ARHGAP15: variants seen among roughly 807,000 people sequenced by gnomAD.
ARHGAP15 encodes Rho GTPase activating protein 15.
Under a neutral mutation model 63.7 loss-of-function variants are expected in ARHGAP15, and 51 were observed. That is an observed-to-expected ratio of 0.80 (90% CI 0.64 to 1.01). ARHGAP15 has a LOEUF of 1.01. Ranked by LOEUF, ARHGAP15 falls within the 50% of genes least tolerant of loss-of-function variation. The probability of loss-of-function intolerance (pLI) is 0.00; values close to 1 mark genes in which losing one functional copy is unlikely to be tolerated. For synonymous variants in ARHGAP15, 191 were observed against 193.8 expected (o/e 0.99, Z 0.12); for missense variants, 560 against 564.6 (o/e 0.99, Z 0.08).
At chr2:143,746,996 C>T (rs1023518111) in intron 13 of ARHGAP15, among the ~76,000 whole-genome samples, 2 of 151,932 alleles carry the variant, frequency 1.3e-5, no homozygotes, top group African/African-American at 4.8e-5. Context: ...GCTTTATCAT[C>T]TTTTAACTTT....
intron 12 of ARHGAP15, among the ~76,000 whole-genome samples, chr2:143,640,142 G>A (rs1680535769): frequency 1.3e-5 from 2 of 152,152 alleles, no homozygotes; most frequent in South Asian, 4.1e-4. Flanking sequence ...AACTTCTCTG[G>A]AGTAGGAGAC....
intron 6 of ARHGAP15, among the ~76,000 whole-genome samples, chr2:143,304,450 G>GT (rs954987562): frequency 6.6e-6 from 1 of 152,038 alleles, no homozygotes; most frequent in African/African-American, 2.4e-5. Flanking sequence ...ACCAGGGCCT[G>GT]TTGTGGGGTG....
intron 13 of ARHGAP15, among the ~76,000 whole-genome samples, chr2:143,715,128 G>C (rs1452555879): frequency 6.6e-6 from 1 of 152,188 alleles, no homozygotes; most frequent in South Asian, 2.1e-4. Context: ...CATGGCTGGG[G>C]AGGCCTCAGA....
intron 6 of ARHGAP15, chr2:143,295,346 A>C (rs893675987): frequency 6.6e-5 from 10 of 152,038 alleles, no homozygotes; most frequent in African/African-American, 2.4e-4. Flanking sequence ...ATGATTACTT[A>C]CCTTGTCCAA....
intron 12 of ARHGAP15, among the ~76,000 whole-genome samples, chr2:143,678,212 C>T (rs60856746): frequency 0.091 from 13,845 of 151,722 alleles, 835 homozygotes; most frequent in East Asian, 0.32. Flanking sequence ...ACCCCGTCTC[C>T]GAAAGAAAAA....
intron 2 of ARHGAP15, among the ~76,000 whole-genome samples, chr2:143,178,511 A>G (rs1691097649): frequency 6.6e-6 from 1 of 152,238 alleles, no homozygotes; most frequent in South Asian, 2.1e-4. Context: ...TGTATTGAAG[A>G]ATTCACGCTA....
intron 6 of ARHGAP15, among the ~76,000 whole-genome samples, chr2:143,330,116 A>T (rs1476341358): frequency 0.018 from 1,591 of 86,876 alleles, 143 homozygotes; most frequent in Non-Finnish European, 0.027. Context: ...AAAAAAAAAA[A>T]AAAAAAAAAA....
rs538375462 is a variant in ARHGAP15 at position 143,317,178 on chromosome 2, T to C, written c.474+66578T>C. ...ACTTGGAAATATAAGATCCAGAAAA[T>C]AGACACTTTGTCTTTCTTGTCCCCC... On this transcript the variant is annotated intron_variant, in intron 6 of 13. Transcript: ENST00000295095. Among the ~76,000 whole-genome samples the C allele has an allele frequency of 1.1e-4, 17 of 152,184 alleles. 1 individual carries two copies. Among genetic ancestry groups the C allele is most frequent in the Middle Eastern group, 3.4e-3 (1 of 294 alleles).
intron 6 of ARHGAP15, among the ~76,000 whole-genome samples, chr2:143,313,151 TGAGAG>T (rs1243552467): frequency 6.6e-6 from 1 of 151,876 alleles, no homozygotes; most frequent in Non-Finnish European, 1.5e-5. Flanking sequence ...ACTGACAAGA[TGAGAG>T]AGAAAAAAAG....
At chr2:143,570,925 G>A (rs1195570670) in intron 11 of ARHGAP15, among the ~76,000 whole-genome samples, 1 of 152,122 alleles carries the variant, frequency 6.6e-6, no homozygotes, top group African/African-American at 2.4e-5. Flanking sequence ...CCCAGCCAGG[G>A]GCCAGTACCA....
intron 11 of ARHGAP15, among the ~76,000 whole-genome samples, chr2:143,605,653 A>C (rs1697963258): frequency 6.6e-6 from 1 of 151,786 alleles, no homozygotes. Context: ...TAAAGTAAGA[A>C]ATTTTTGACT....
intron 13 of ARHGAP15, among the ~76,000 whole-genome samples, chr2:143,749,384 G>T (rs1174229067): frequency 2.0e-5 from 3 of 152,080 alleles, no homozygotes; most frequent in African/African-American, 7.2e-5. Context: ...ACACGAAAAC[G>T]ATCTTCATTT....
intron 8 of ARHGAP15, among the ~76,000 whole-genome samples, chr2:143,462,653 T>TA (rs1691000815): frequency 1.3e-5 from 2 of 152,182 alleles, no homozygotes; most frequent in Admixed American, 1.3e-4. Flanking sequence ...TGTTGAAAGG[T>TA]AACCAAGACT....
At chr2:143,730,892 TAAAAAA>T (rs1158246680) in intron 13 of ARHGAP15, among the ~76,000 whole-genome samples, 38 of 84,036 alleles carry the variant, frequency 4.5e-4, no homozygotes, top group South Asian at 4.9e-4. Flanking sequence ...AGCACTCCTT[TAAAAAA>T]AAAAAAAAAA....
At chr2:143,303,102 G>A (rs1234164127) in intron 6 of ARHGAP15, among the ~76,000 whole-genome samples, 1 of 152,034 alleles carries the variant, frequency 6.6e-6, no homozygotes, top group Non-Finnish European at 1.5e-5. Context: ...GTAGGCATGG[G>A]CAAAGACTTC....
chr2:143,478,943 A>T (rs1691950579), intron 8 of ARHGAP15, among the ~76,000 whole-genome samples: 1 of 152,208 alleles, frequency 6.6e-6, no homozygotes, highest in Non-Finnish European at 1.5e-5. Context: ...TTTACTAAAG[A>T]TACATTGTAA....
intron 11 of ARHGAP15, among the ~76,000 whole-genome samples, chr2:143,606,028 T>A (rs1697997013): frequency 1.4e-5 from 1 of 70,864 alleles, no homozygotes; most frequent in Non-Finnish European, 2.5e-5. Context: ...AGAGCAAGAC[T>A]CTGTCTCAAA....
intron 5 of ARHGAP15, chr2:143,236,526 T>G (rs1300091685): frequency 6.6e-6 from 1 of 152,048 alleles, no homozygotes; most frequent in African/African-American, 2.4e-5. Flanking sequence ...TTAGATTGAG[T>G]ATAGTGAAGA....
intron 12 of ARHGAP15, among the ~76,000 whole-genome samples, chr2:143,632,598 A>C (rs1042057835): frequency 6.6e-6 from 1 of 152,138 alleles, no homozygotes; most frequent in Non-Finnish European, 1.5e-5. Flanking sequence ...TAGCCACCAA[A>C]AGTAGAGATT....
Sources: allele counts gnomAD v4.1 joint callset (sites outside exome capture counted in the v4.1 genomes callset), GRCh38; gene constraint gnomAD v4.1.1; transcripts MANE v1.5; gene names NCBI Gene and HGNC (gene_info 2026-07-23, HGNC 2026-07-21).